The following NUBPL variants were observed in gnomAD, a reference collection of about 807,000 sequenced individuals.
The protein encoded by NUBPL is iron-sulfur cluster transfer protein NUBPL.
NUBPL carries 31 observed loss-of-function variants against 45.7 expected under a neutral mutation model. The ratio of observed to expected loss-of-function variants is 0.68; its 90% CI spans 0.51 to 0.92. The LOEUF (loss-of-function observed/expected upper bound fraction) is 0.92. Ranked by LOEUF, NUBPL falls within the 40% of genes least tolerant of loss-of-function variation. NUBPL has a pLI of 0.00. For synonymous variants in NUBPL, 144 were observed against 140.9 expected, an observed-to-expected ratio of 1.02 and a Z score of -0.15; for missense variants, 401 against 398.7, an observed-to-expected ratio of 1.01 and a Z score of -0.05.
intron 7 of NUBPL, among the ~76,000 whole-genome samples, chr14:31,804,018 C>T (rs2039639971): frequency 6.6e-6 from 1 of 152,134 alleles, no homozygotes; most frequent in Non-Finnish European, 1.5e-5. Flanking sequence ...CTTAGCCTCC[C>T]AAGTAACTGG....
chr14:31,745,183 T>C (rs576281496), intron 6 of NUBPL, among the ~76,000 whole-genome samples: 1 of 152,142 alleles, frequency 6.6e-6, no homozygotes, highest in Non-Finnish European at 1.5e-5. Context: ...GTATGTCTCC[T>C]AATGCTATCC....
chr14:31,849,674 C>G (rs2040507501), intron 9 of NUBPL, among the ~76,000 whole-genome samples: 2 of 152,150 alleles, frequency 1.3e-5, no homozygotes, highest in African/African-American at 2.4e-5. Context: ...TGAGCTCACT[C>G]CATTTGCCAA....
intron 7 of NUBPL, among the ~76,000 whole-genome samples, chr14:31,805,207 A>G (rs1478107996): frequency 1.3e-5 from 2 of 152,224 alleles, no homozygotes; most frequent in Non-Finnish European, 2.9e-5. Flanking sequence ...CAAAACCACA[A>G]TGAGATATCA....
At chr14:31,624,236 C>T (rs1354631108) in intron 4 of NUBPL, among the ~76,000 whole-genome samples, 2 of 152,040 alleles carry the variant, frequency 1.3e-5, no homozygotes, top group Non-Finnish European at 2.9e-5. Flanking sequence ...CTGAATGGCC[C>T]TTGATTTTCT....
chr14:31,737,112 T>G (rs1373640133), intron 6 of NUBPL, among the ~76,000 whole-genome samples: 3 of 152,114 alleles, frequency 2.0e-5, no homozygotes, highest in Non-Finnish European at 4.4e-5. Flanking sequence ...TGGCTTGTAA[T>G]TTCACTTGCT....
At chr14:31,765,249 A>G (rs951374357) in intron 6 of NUBPL, among the ~76,000 whole-genome samples, 1 of 152,186 alleles carries the variant, frequency 6.6e-6, no homozygotes, top group Non-Finnish European at 1.5e-5. Context: ...AATCTTGAGA[A>G]CTTTCCCTTT....
chr14:31,602,668 G>A (rs1486175159), intron 4 of NUBPL, among the ~76,000 whole-genome samples: 1 of 152,080 alleles, frequency 6.6e-6, no homozygotes. Flanking sequence ...CAACTACTGT[G>A]AGGATTAATA....
rs549834643 is a variant in NUBPL, at chr14:31,718,711, G to A, written c.513+45137G>A. On this transcript the variant is annotated intron_variant, in intron 6 of 10. Transcript: ENST00000281081. The stretch of plus-strand genomic sequence containing the variant: ...CTTTGTGTCAGGCTTATCTTTACTA[G>A]GTCAGGATTTCTTCATAAATCTAAA... 3.9e-5 allele frequency among the ~76,000 whole-genome samples: 6 copies of A among 152,210 alleles called. No individual in the cohort carries two copies. The East Asian group carries it at 1.2e-3, about 29-fold the overall frequency.
chr14:31,604,190 A>C (rs892629248), intron 4 of NUBPL, among the ~76,000 whole-genome samples: 2 of 152,064 alleles, frequency 1.3e-5, no homozygotes, highest in African/African-American at 4.8e-5. Context: ...AAAAAAAAAA[A>C]AAAAAACACT....
Position 31,654,687 on chromosome 14 carries a change from G to T in NUBPL, c.383-18668G>T, listed in dbSNP as rs535275960. Among the ~76,000 whole-genome samples the T allele has an allele frequency of 1.4e-4, 21 of 152,218 alleles. 1 individual carries two copies. In the South Asian group the frequency reaches 4.4e-3, roughly 32 times the overall value. Reference sequence around the variant, plus strand: ...GCCTCCCAAAGTGCTGGGATTACAGGTGTGAGCCACTGTGCCTGCCCCGGC... The same window carrying T: ...GCCTCCCAAAGTGCTGGGATTACAGTTGTGAGCCACTGTGCCTGCCCCGGC... On this transcript the variant is annotated intron_variant, in intron 4 of 10. Coordinates refer to ENST00000281081, the MANE Select transcript of NUBPL (RefSeq NM_025152.3).
chr14:31,841,917 C>CTTTTTTTTTTTTTTTTT (rs547795007), intron 8 of NUBPL, among the ~76,000 whole-genome samples: 5 of 43,040 alleles, frequency 1.2e-4, no homozygotes, highest in Admixed American at 3.2e-4. Flanking sequence ...CGATTCTGGG[C>CTTTTTTTTTTTTTTTTT]TTTTTTTTTT....
At chr14:31,705,393 C>G (rs1038813929) in intron 6 of NUBPL, among the ~76,000 whole-genome samples, 1 of 152,222 alleles carries the variant, frequency 6.6e-6, no homozygotes, top group African/African-American at 2.4e-5. Context: ...GCTTTTAATC[C>G]CTTATCTAGC....
intron 4 of NUBPL, among the ~76,000 whole-genome samples, chr14:31,599,979 T>C (rs1178556034): frequency 1.3e-5 from 2 of 150,004 alleles, no homozygotes; most frequent in African/African-American, 4.9e-5. Flanking sequence ...TGGAATGCAG[T>C]GGTGTGATCT....
intron 7 of NUBPL, among the ~76,000 whole-genome samples, chr14:31,814,580 CT>C (rs1301718331): frequency 1.3e-5 from 2 of 151,598 alleles, no homozygotes; most frequent in Non-Finnish European, 2.9e-5. Context: ...TTTGCCATTG[CT>C]TTTGGTGTTT....
At chr14:31,616,142 GT>G (rs1228174462) in intron 4 of NUBPL, among the ~76,000 whole-genome samples, 1 of 151,910 alleles carries the variant, frequency 6.6e-6, no homozygotes, top group African/African-American at 2.4e-5. Context: ...TGATGGGGTT[GT>G]TTTTTTCTTT....
chr14:31,572,149 AT>A (rs939518442), intron 3 of NUBPL, among the ~76,000 whole-genome samples: 1 of 149,588 alleles, frequency 6.7e-6, no homozygotes, highest in Non-Finnish European at 1.5e-5. Context: ...TTTTTTTTTA[AT>A]TTTTTTTGTG....
At chr14:31,666,263 A>AGATATATATATATTTATTATTT in intron 4 of NUBPL, among the ~76,000 whole-genome samples, 47 of 111,874 alleles carry the variant, frequency 4.2e-4, no homozygotes, top group Admixed American at 1.2e-3. Context: ...ATATATATAT[A>AGATATATATATATTTATTATTT]ATTTTATTTT....
chr14:31,828,574 G>GC (rs2040140808), intron 8 of NUBPL, among the ~76,000 whole-genome samples: 1 of 152,094 alleles, frequency 6.6e-6, no homozygotes, highest in African/African-American at 2.4e-5. Context: ...TTTAAACAGA[G>GC]CAGGAGTAAG....
intron 3 of NUBPL, among the ~76,000 whole-genome samples, chr14:31,588,213 A>C (rs1293656433): frequency 6.6e-6 from 1 of 152,172 alleles, no homozygotes; most frequent in African/African-American, 2.4e-5. Flanking sequence ...TGGTTTCTTC[A>C]TTGGGGGTTA....
Sources: allele counts gnomAD v4.1 joint callset (sites outside exome capture counted in the v4.1 genomes callset), GRCh38; gene constraint gnomAD v4.1.1; transcripts MANE v1.5; gene names NCBI Gene and HGNC (gene_info 2026-07-23, HGNC 2026-07-21).